COP1: variants seen among roughly 807,000 people sequenced by gnomAD.
The protein encoded by COP1 is E3 ubiquitin-protein ligase COP1.
In COP1, 24 loss-of-function variants were observed where a neutral mutation model predicts 101.3. The observed-to-expected ratio is 0.24, with a 90% confidence interval of 0.17 to 0.33. The LOEUF is 0.33. Ranked by LOEUF, COP1 falls within the 10% of genes least tolerant of loss-of-function variation. The probability of loss-of-function intolerance (pLI) is 1.00; values close to 1 mark genes in which losing one functional copy is unlikely to be tolerated. For synonymous variants in COP1, 347 were observed against 341.9 expected (o/e 1.01, Z -0.17); for missense variants, 663 against 906.2 (o/e 0.73, Z 3.45).
chr1:175,966,959 G>A lies in COP1; in HGVS notation c.2134-19720C>T, dbSNP rs570338025. Among the ~76,000 whole-genome samples, 379 of 152,164 alleles carry A rather than the reference G, an allele frequency of 2.5e-3. 2 individuals are homozygous for A. Among genetic ancestry groups the A allele is most frequent in the African/African-American group, 8.9e-3 (370 of 41,512 alleles). On this transcript the variant is annotated intron_variant, in intron 18 of 19. Transcript: ENST00000367669. ...CACAAAATCCCAATTTGAGATCTGGGGAATTGGGATTTCTTCATCACAAAG... is the reference window on the plus strand; with the variant it reads ...CACAAAATCCCAATTTGAGATCTGGAGAATTGGGATTTCTTCATCACAAAG...
intron 3 of COP1, among the ~76,000 whole-genome samples, chr1:176,167,905 T>C (rs906716640): frequency 6.6e-6 from 1 of 152,100 alleles, no homozygotes; most frequent in Non-Finnish European, 1.5e-5. Context: ...TTCATGTACA[T>C]ACAGGATTGA....
At chr1:175,959,675 T>C (rs779069759) in intron 18 of COP1, among the ~76,000 whole-genome samples, 13 of 152,090 alleles carry the variant, frequency 8.5e-5, no homozygotes, top group Non-Finnish European at 1.9e-4. Context: ...TTCTCTTATT[T>C]AGAAAAATAT....
At chr1:176,066,769 A>G (rs953478373) in intron 11 of COP1, among the ~76,000 whole-genome samples, 1 of 152,198 alleles carries the variant, frequency 6.6e-6, no homozygotes, top group Non-Finnish European at 1.5e-5. Context: ...GATAACTAGA[A>G]CAGCTTTTTT....
At chr1:176,150,634 C>G (rs748729808) in intron 5 of COP1, among the ~76,000 whole-genome samples, 1 of 152,114 alleles carries the variant, frequency 6.6e-6, no homozygotes, top group Non-Finnish European at 1.5e-5. Flanking sequence ...CAACTTTATA[C>G]AAAAAGTAAC....
At chr1:176,043,629 T>C in intron 13 of COP1, 81 bp downstream of exon 13, 1 of 818,572 alleles carries the variant, frequency 1.2e-6, no homozygotes, top group Non-Finnish European at 2.1e-6. Flanking sequence ...AAATCTGTAA[T>C]TATAAGGCAC....
chr1:176,095,181 C>T (rs1030893648), intron 9 of COP1, among the ~76,000 whole-genome samples: 1 of 152,110 alleles, frequency 6.6e-6, no homozygotes, highest in Admixed American at 6.5e-5. Flanking sequence ...GGAATACATA[C>T]AAAATAATAA....
At chr1:176,189,589 A>C (rs1698881164) in intron 1 of COP1, among the ~76,000 whole-genome samples, 1 of 152,028 alleles carries the variant, frequency 6.6e-6, no homozygotes, top group African/African-American at 2.4e-5. Flanking sequence ...AGATATATTA[A>C]TGTAAATCCT....
intron 15 of COP1, among the ~76,000 whole-genome samples, chr1:176,019,505 T>TAATAATAATAATAATAAC (rs1374161037): frequency 4.5e-5 from 6 of 133,186 alleles, no homozygotes; most frequent in African/African-American, 1.6e-4. Flanking sequence ...ATAATAATAA[T>TAATAATAATAATAATAAC]AACCATCATC....
At chr1:176,046,744 A>T (rs1346259943) in intron 11 of COP1, among the ~76,000 whole-genome samples, 2 of 152,014 alleles carry the variant, frequency 1.3e-5, no homozygotes, top group Non-Finnish European at 2.9e-5. Context: ...GAATTTCACA[A>T]TATTAAATTT....
intron 8 of COP1, among the ~76,000 whole-genome samples, chr1:176,122,195 A>G (rs890760690): frequency 6.6e-6 from 1 of 152,080 alleles, no homozygotes; most frequent in Non-Finnish European, 1.5e-5. Context: ...CTAAAATTCA[A>G]AACTCTGAAA....
intron 14 of COP1, among the ~76,000 whole-genome samples, chr1:176,040,417 A>G (rs765214174): frequency 3.9e-5 from 6 of 152,038 alleles, no homozygotes; most frequent in Non-Finnish European, 7.4e-5. Context: ...TATTGGGCTC[A>G]AGAGATCCTC....
chr1:176,193,608 G>A (rs1699338021), intron 1 of COP1, among the ~76,000 whole-genome samples: 1 of 151,828 alleles, frequency 6.6e-6, no homozygotes, highest in Non-Finnish European at 1.5e-5. Flanking sequence ...CCCACATAAT[G>A]GAATATTACT....
At chr1:176,073,770 T>G (rs953464926) in intron 11 of COP1, among the ~76,000 whole-genome samples, 1 of 152,184 alleles carries the variant, frequency 6.6e-6, no homozygotes, top group Non-Finnish European at 1.5e-5. Flanking sequence ...TAACTCCAAA[T>G]AAGCAAAGGA....
chr1:176,119,440 T>C (rs924725101), intron 8 of COP1, among the ~76,000 whole-genome samples: 19 of 152,174 alleles, frequency 1.2e-4, no homozygotes, highest in Non-Finnish European at 1.6e-4. Flanking sequence ...TTCAAATATA[T>C]GTTAAAAAAT....
At chr1:176,139,957 A>G (rs933552622) in intron 6 of COP1, among the ~76,000 whole-genome samples, 11 of 152,184 alleles carry the variant, frequency 7.2e-5, no homozygotes, top group African/African-American at 2.4e-4. Context: ...AAAAGTTGAA[A>G]TTATATTTAA....
At chr1:176,177,228 T>TA in intron 2 of COP1, among the ~76,000 whole-genome samples, 1 of 152,024 alleles carries the variant, frequency 6.6e-6, no homozygotes. Context: ...CTTTCTTACA[T>TA]TATATATTTC....
In COP1 at chr1:176,107,533, T is replaced by C. The variant is rs536063693; in HGVS notation, c.1026+9091A>G. Reference sequence around the variant, plus strand: ...GTTTCAAAATTAGTAACAGAATATATATATTAATGACCCAGGATTCCACAA... The same window carrying C: ...GTTTCAAAATTAGTAACAGAATATACATATTAATGACCCAGGATTCCACAA... On this transcript the variant is annotated intron_variant, in intron 9 of 19. Coordinates refer to ENST00000367669, the MANE Select transcript of COP1 (RefSeq NM_022457.7). Among the ~76,000 whole-genome samples the C allele has an allele frequency of 2.6e-5, 4 of 152,156 alleles. No individual in the cohort carries two copies. In the South Asian group the frequency reaches 8.3e-4, roughly 32 times the overall value.
intron 18 of COP1, among the ~76,000 whole-genome samples, chr1:175,952,896 A>G (rs1650128919): frequency 6.6e-6 from 1 of 152,204 alleles, no homozygotes; most frequent in African/African-American, 2.4e-5. Context: ...CAGCTTGGGA[A>G]ACAAAGCAAG....
intron 11 of COP1, among the ~76,000 whole-genome samples, chr1:176,048,287 C>A (rs1671871540): frequency 6.7e-6 from 1 of 148,740 alleles, no homozygotes; most frequent in African/African-American, 2.5e-5. Flanking sequence ...CCCACCTCAG[C>A]CTCCCAAAGT....
Sources: allele counts gnomAD v4.1 joint callset (sites outside exome capture counted in the v4.1 genomes callset), GRCh38; gene constraint gnomAD v4.1.1; transcripts MANE v1.5; gene names NCBI Gene and HGNC (gene_info 2026-07-23, HGNC 2026-07-21).